HKDC1: variants seen among roughly 807,000 people sequenced by gnomAD.
HKDC1 encodes hexokinase domain containing 1.
A neutral mutation model predicts 96.6 loss-of-function variants in HKDC1; 66 were observed. The observed-to-expected ratio is 0.68, with a 90% CI of 0.56 to 0.84. HKDC1 has a LOEUF of 0.84. Ranked by LOEUF, HKDC1 falls within the 40% of genes least tolerant of loss-of-function variation. HKDC1 has a pLI of 0.00. For synonymous variants in HKDC1, 466 were observed against 473.1 expected, an observed-to-expected ratio of 0.98 and a Z score of 0.20; for missense variants, 1,211 against 1,208.1, an observed-to-expected ratio of 1.00 and a Z score of -0.04.
At chr10:69,222,147 G>A (rs544179754) in intron 1 of HKDC1, among the ~76,000 whole-genome samples, 11 of 152,146 alleles carry the variant, frequency 7.2e-5, no homozygotes, top group South Asian at 2.1e-4. Context: ...CCTTGAACCC[G>A]GGCAGCAGAG....
chr10:69,246,813 GAGGGTCCTGCTCCTC>G (rs371450660), intron 8 of HKDC1, among the ~76,000 whole-genome samples: 78 of 152,364 alleles, frequency 5.1e-4, no homozygotes, highest in African/African-American at 1.8e-3. Flanking sequence ...CAGCACATCT[GAGGGTCCTGCTCCTC>G]AGGCTTAGAA....
chr10:69,226,208 A>G (rs1265584261), intron 1 of HKDC1, among the ~76,000 whole-genome samples: 1 of 152,112 alleles, frequency 6.6e-6, no homozygotes, highest in Non-Finnish European at 1.5e-5. Context: ...AGCCATAGTG[A>G]TTTGTATAAC....
rs151091311 is a variant in HKDC1 at position 69,228,634 on chromosome 10, G to C, written c.226+1265G>C. ...TAATCCCAGAACTTTGGGAGGCCGA[G>C]GGGGGCAGATCACTTGAGGTCAGAT... On this transcript the variant is annotated intron_variant, in intron 2 of 17. Coordinates refer to ENST00000354624, the MANE Select transcript of HKDC1 (RefSeq NM_025130.4). Among the ~76,000 whole-genome samples, 6 of 152,140 alleles carry C rather than the reference G, an allele frequency of 3.9e-5. No homozygotes were observed. The East Asian group carries it at 1.2e-3, about 29-fold the overall frequency.
rs527944066 is a variant in HKDC1, at chr10:69,221,413, G to C, written c.63+915G>C. On this transcript the variant is annotated intron_variant, in intron 1 of 17. Coordinates refer to ENST00000354624, the MANE Select transcript of HKDC1 (RefSeq NM_025130.4). ...AGGGAACCAGGGTTCTTTCCAGGCA[G>C]CTAAAATGAGCCCAGTCTGCTACTC... 4.1e-3 allele frequency among the ~76,000 whole-genome samples: 628 copies of C among 152,210 alleles called. 1 individual carries two copies. The highest frequency in any genetic ancestry group is 7.8e-3 in the Non-Finnish European group (531 of 68,006).
chr10:69,225,163 C>T (rs1245946051), intron 1 of HKDC1, among the ~76,000 whole-genome samples: 1 of 152,138 alleles, frequency 6.6e-6, no homozygotes, highest in Non-Finnish European at 1.5e-5. Context: ...AACTGGGTCT[C>T]AAAAAACAGG....
intron 7 of HKDC1, among the ~76,000 whole-genome samples, chr10:69,245,247 A>G (rs1424830129): frequency 6.6e-6 from 1 of 152,184 alleles, no homozygotes; most frequent in Non-Finnish European, 1.5e-5. Flanking sequence ...AGATTGTGAC[A>G]TAGATTGTTC....
rs1361434728 is a variant in HKDC1 at position 69,238,501 on chromosome 10, C to T, written c.496-541C>T. Among the ~76,000 whole-genome samples the T allele has an allele frequency of 2.3e-5, 2 of 87,284 alleles. 1 individual carries two copies. Among genetic ancestry groups the T allele is most frequent in the Non-Finnish European group, 4.4e-5 (2 of 44,948 alleles). 57.3% of individuals were successfully genotyped at this position (87,284 alleles called of 152,430 possible). A position where few individuals can be genotyped will look rare whatever the true frequency, so the allele number is the denominator to read the frequency against. On this transcript the variant is annotated intron_variant, in intron 4 of 17. Transcript: ENST00000354624. ...ACGCCATTCTCCTGCCTCAGCCTCCCGAGTAGCTGGGACTACAGGCGCCCG... is the reference window on the plus strand; with the variant it reads ...ACGCCATTCTCCTGCCTCAGCCTCCTGAGTAGCTGGGACTACAGGCGCCCG...
In HKDC1 at chr10:69,266,886, C is replaced by G. The variant is rs1336340928; in HGVS notation, c.*129C>G. 3.6e-6 allele frequency: 3 copies of G among 841,220 alleles called. No homozygotes were observed. The highest frequency in any genetic ancestry group is 5.1e-5 in the East Asian group (2 of 39,208). 52.1% of individuals were successfully genotyped at this position (841,220 alleles called of 1,614,324 possible). A position where few individuals can be genotyped will look rare whatever the true frequency, so the allele number is the denominator to read the frequency against. Reference sequence around the variant, plus strand: ...CTTCTGGATGGCCGAAAGAGAACCCCAGGTTCTCGGGTACTCTTAGTATCT... The same window carrying G: ...CTTCTGGATGGCCGAAAGAGAACCCGAGGTTCTCGGGTACTCTTAGTATCT... On this transcript the variant is annotated 3_prime_UTR_variant, in exon 18 of 18. Transcript: ENST00000354624.
At chr10:69,239,645 A>G (rs1843422821) in intron 5 of HKDC1, among the ~76,000 whole-genome samples, 1 of 152,124 alleles carries the variant, frequency 6.6e-6, no homozygotes, top group East Asian at 1.9e-4. Flanking sequence ...CACAAACCCA[A>G]ATTGCTTGTT....
Position 69,233,070 on chromosome 10 carries a change from G to A in HKDC1, c.432G>A (p.Lys144=). 6.2e-7 allele frequency: 1 copy of A among 1,614,154 alleles called. No individual in the cohort carries two copies. The highest frequency in any genetic ancestry group is 8.5e-7 in the Non-Finnish European group (1 of 1,180,038). Residue 144 remains lysine (K), a synonymous_variant, in exon 4 of 18, where the codon AAG becomes AAA. Coordinates refer to ENST00000354624, the MANE Select transcript of HKDC1 (RefSeq NM_025130.4). ...LADFMKTKDL[K]HKKLPLGLTF... is the part of the protein sequence containing the mutation. ...ATTTCATGAAGACCAAAGATTTAAAGCATAAGAAATTGCCCCTTGGCCTAA... is the reference window on the plus strand; with the variant it reads ...ATTTCATGAAGACCAAAGATTTAAAACATAAGAAATTGCCCCTTGGCCTAA...
intron 6 of HKDC1, among the ~76,000 whole-genome samples, chr10:69,242,758 C>A (rs1216264485): frequency 3.3e-5 from 5 of 152,024 alleles, no homozygotes; most frequent in African/African-American, 2.4e-5. Context: ...TGTGGCAGGC[C>A]ATAAGTAAAG....
At chr10:69,220,902 C>A (rs1240713858) in intron 1 of HKDC1, among the ~76,000 whole-genome samples, 1 of 152,190 alleles carries the variant, frequency 6.6e-6, no homozygotes, top group Non-Finnish European at 1.5e-5. Flanking sequence ...GTAATCCTAG[C>A]ACTTTAGGAG....
intron 12 of HKDC1, 64 bp from the exon 13 acceptor site, chr10:69,256,972 G>T: frequency 8.3e-7 from 1 of 1,210,982 alleles, no homozygotes; most frequent in Non-Finnish European, 1.2e-6. Context: ...TCTGTTGGAT[G>T]TTGAGGTTGT....
intron 16 of HKDC1, 70 bp downstream of exon 16, chr10:69,261,364 A>C: frequency 1.3e-6 from 2 of 1,488,722 alleles, no homozygotes; most frequent in South Asian, 2.3e-5. Context: ...GGTTGGGCCA[A>C]TTTGAGGTTT....
rs1843904832 is a variant in HKDC1, at chr10:69,266,670, C to T, written c.2667C>T (p.Phe889=). 6.2e-7 allele frequency: 1 copy of T among 1,614,074 alleles called. No individual in the cohort carries two copies. The highest frequency in any genetic ancestry group is 1.1e-5 in the South Asian group (1 of 91,070). ...KELAPRCDVT[F]MLSEDGSGKG... is the part of the protein sequence containing the mutation. ...TAGCCCCTCGATGTGATGTGACATT[C>T]ATGCTGTCAGAAGATGGCAGTGGAA... Residue 889 remains phenylalanine (F), a synonymous_variant, in exon 18 of 18, where the codon TTC becomes TTT. Transcript: ENST00000354624.
intron 12 of HKDC1, among the ~76,000 whole-genome samples, chr10:69,256,770 C>T (rs1042494035): frequency 2.6e-5 from 4 of 151,790 alleles, no homozygotes; most frequent in Non-Finnish European, 4.4e-5. Flanking sequence ...GCCTTTATTC[C>T]GCGTAATCAT....
intron 2 of HKDC1, among the ~76,000 whole-genome samples, chr10:69,230,120 C>T (rs1249687423): frequency 6.6e-6 from 1 of 152,188 alleles, no homozygotes; most frequent in Non-Finnish European, 1.5e-5. Context: ...CCTTAGTTAC[C>T]ACCCAGCCTT....
At position 69,251,239 on chromosome 10, in the gene HKDC1, C is replaced by T. The variant is rs1843639827; in HGVS notation, c.1836+587C>T. 2.0e-5 allele frequency among the ~76,000 whole-genome samples: 3 copies of T among 151,800 alleles called. No individual in the cohort carries two copies. The South Asian group carries it at 6.3e-4, about 32-fold the overall frequency. On this transcript the variant is annotated intron_variant, in intron 12 of 17. Coordinates refer to ENST00000354624, the MANE Select transcript of HKDC1 (RefSeq NM_025130.4). ...CCTCCCAAGTAGCTGTGATTACAGG[C>T]ACCTACCTCCACGCCTGGCTAATTT...
chr10:69,246,710 A>G (rs1192830935), intron 8 of HKDC1, among the ~76,000 whole-genome samples: 1 of 152,182 alleles, frequency 6.6e-6, no homozygotes, highest in Non-Finnish European at 1.5e-5. Flanking sequence ...GAATGTGGTG[A>G]TGTGAGGCCT....
Sources: allele counts gnomAD v4.1 joint callset (sites outside exome capture counted in the v4.1 genomes callset), GRCh38; gene constraint gnomAD v4.1.1; transcripts MANE v1.5; gene names NCBI Gene and HGNC (gene_info 2026-07-23, HGNC 2026-07-21).